Variants in CLPB observed in about 807,000 individuals in gnomAD.
CLPB encodes the protein ClpB family mitochondrial disaggregase.
A neutral mutation model predicts 78.4 loss-of-function variants in CLPB; 40 were observed. The ratio of observed to expected loss-of-function variants is 0.51; its 90% CI spans 0.40 to 0.66. The LOEUF is 0.66. CLPB is among the 30% of genes least tolerant of loss of function. The pLI, the probability that CLPB is intolerant of heterozygous loss-of-function variation, is 0.00. For synonymous variants in CLPB, 333 were observed against 348.0 expected (o/e 0.96, Z 0.48); for missense variants, 780 against 886.9 (o/e 0.88, Z 1.53).
chr11:72,308,687 G>C, intron 7 of CLPB, 83 bp from the exon 8 acceptor site: 3 of 1,215,824 alleles, frequency 2.5e-6, no homozygotes, highest in Non-Finnish European at 3.7e-6. Context: ...TTATCACTAA[G>C]TATACAATAT....
intron 7 of CLPB, among the ~76,000 whole-genome samples, chr11:72,314,668 C>A (rs1565432183): frequency 6.6e-6 from 1 of 151,938 alleles, no homozygotes; most frequent in Non-Finnish European, 1.5e-5. Context: ...CCTCAAGCAG[C>A]CTGCAGTCAA....
At chr11:72,358,801 T>TTCCC in intron 5 of CLPB, 79 bp downstream of exon 5, 2 of 102,144 alleles carry the variant, frequency 2.0e-5, no homozygotes, top group Non-Finnish European at 3.9e-5. Flanking sequence ...CCAAGCCCCA[T>TTCCC]CCCACCCCTC....
chr11:72,302,734 T>C (rs2135502665), intron 9 of CLPB: 2 of 267,606 alleles, frequency 7.5e-6, no homozygotes, highest in South Asian at 9.5e-5. Flanking sequence ...TCTTGGTCTC[T>C]GTCCTTAAGA....
chr11:72,377,141 A>G lies in CLPB; in HGVS notation c.646+3140T>C, dbSNP rs143131463. On this transcript the variant is annotated intron_variant, in intron 4 of 15. Coordinates refer to ENST00000538039, the MANE Select transcript of CLPB (RefSeq NM_001258392.3). ...TTTAATTTTAGCAAGAAATATGGGG[A>G]AAAAGCTCTTAAAATTTTGTGAACA... 6.2e-3 allele frequency among the ~76,000 whole-genome samples: 938 copies of G among 152,336 alleles called. 14 individuals are homozygous for G. Among genetic ancestry groups the G allele is most frequent in the African/African-American group, 0.021 (885 of 41,572 alleles).
intron 12 of CLPB, 72 bp downstream of exon 12, chr11:72,295,420 A>G (rs938410521): frequency 2.1e-5 from 33 of 1,559,716 alleles, no homozygotes; most frequent in Non-Finnish European, 2.5e-5. Context: ...CAGGGCCCCA[A>G]TCCCATCCTT....
chr11:72,302,669 G>A (rs1346609125), intron 9 of CLPB: 9 of 335,802 alleles, frequency 2.7e-5, no homozygotes, highest in South Asian at 8.9e-5. Context: ...TCCATTCCAC[G>A]TTTCCTGAGG....
Position 72,290,682 on chromosome 11 carries a change from G to T in CLPB, c.*2685C>A, listed in dbSNP as rs1412038626. On this transcript the variant is annotated 3_prime_UTR_variant, in exon 16 of 16. Transcript: ENST00000538039. The stretch of plus-strand genomic sequence containing the variant: ...ACCTAGTCTAGGTGTGGTGGCTCAT[G>T]CCTGTAATCTCAGCACTTTGGGAGG... The T allele has an allele frequency of 6.6e-6, 1 of 152,146 alleles. No homozygotes were observed. The highest frequency in any genetic ancestry group is 1.5e-5 in the Non-Finnish European group (1 of 68,042). 9.4% of individuals were successfully genotyped at this position (152,146 alleles called of 1,614,324 possible).
At chr11:72,391,996 G>A (rs1200374758) in intron 3 of CLPB, among the ~76,000 whole-genome samples, 1 of 152,096 alleles carries the variant, frequency 6.6e-6, no homozygotes, top group African/African-American at 2.4e-5. Context: ...GTGGCCAGAG[G>A]GGGTTGGGGT....
intron 2 of CLPB, among the ~76,000 whole-genome samples, chr11:72,419,125 C>T (rs1856112766): frequency 1.3e-5 from 2 of 152,172 alleles, no homozygotes; most frequent in African/African-American, 4.8e-5. Context: ...AACACACTGG[C>T]TTGATTGTTT....
chr11:72,369,189 A>G (rs1395264487), intron 4 of CLPB, among the ~76,000 whole-genome samples: 1 of 152,112 alleles, frequency 6.6e-6, no homozygotes, highest in African/African-American at 2.4e-5. Flanking sequence ...GTGCAGACCC[A>G]GGGGGTGCTT....
At chr11:72,308,461 C>T in intron 8 of CLPB, 66 bp downstream of exon 8, 1 of 1,420,214 alleles carries the variant, frequency 7.0e-7, no homozygotes, top group Non-Finnish European at 1.0e-6. Context: ...GCAGCTGGGG[C>T]TGTCAGACTT....
intron 4 of CLPB, among the ~76,000 whole-genome samples, chr11:72,373,436 C>T (rs78882064): frequency 6.6e-6 from 1 of 152,166 alleles, no homozygotes; most frequent in Non-Finnish European, 1.5e-5. Context: ...CAGCCAGCCA[C>T]AAGTGGAACA....
chr11:72,319,335 G>GC (rs978629927), intron 6 of CLPB, among the ~76,000 whole-genome samples: 11 of 152,218 alleles, frequency 7.2e-5, no homozygotes, highest in African/African-American at 2.7e-4. Context: ...CTAGCAAAGG[G>GC]CCTGGCTCAC....
intron 5 of CLPB, among the ~76,000 whole-genome samples, chr11:72,343,817 A>G (rs1035454786): frequency 6.6e-6 from 1 of 152,240 alleles, no homozygotes; most frequent in Admixed American, 6.5e-5. Context: ...CCAACTTATT[A>G]GAAAGTAGTG....
intron 6 of CLPB, among the ~76,000 whole-genome samples, chr11:72,321,637 G>A (rs73528897): frequency 0.095 from 14,455 of 152,172 alleles, 1,295 homozygotes; most frequent in African/African-American, 0.23. Flanking sequence ...CATCCCTCAG[G>A]GCAGAGGTCT....
chr11:72,359,169 G>A, intron 4 of CLPB, 161 bp from the exon 5 acceptor site: 3 of 1,047,610 alleles, frequency 2.9e-6, no homozygotes, highest in Non-Finnish European at 4.3e-6. Flanking sequence ...TGGGTAAGAA[G>A]AGGCAAAACA....
At chr11:72,394,528 G>A (rs1201428387) in intron 3 of CLPB, among the ~76,000 whole-genome samples, 1 of 152,200 alleles carries the variant, frequency 6.6e-6, no homozygotes, top group Admixed American at 6.5e-5. Flanking sequence ...GGCCCAGGAA[G>A]TATACCCTGA....
At chr11:72,302,033 T>C in intron 10 of CLPB, 69 bp from the exon 11 acceptor site, 1 of 1,550,676 alleles carries the variant, frequency 6.4e-7, no homozygotes. Flanking sequence ...GGGGCATGCA[T>C]GGGAAGATGA....
chr11:72,420,598 TCA>T (rs1321939002), intron 2 of CLPB, among the ~76,000 whole-genome samples: 2 of 152,070 alleles, frequency 1.3e-5, no homozygotes, highest in Admixed American at 6.5e-5. Context: ...CCTCCAAAAC[TCA>T]CAGTGTTGTG....
Sources: allele counts gnomAD v4.1 joint callset (sites outside exome capture counted in the v4.1 genomes callset), GRCh38; gene constraint gnomAD v4.1.1; transcripts MANE v1.5; gene names NCBI Gene and HGNC (gene_info 2026-07-23, HGNC 2026-07-21).